The following IFT56 variants were observed in gnomAD, a reference collection of about 807,000 sequenced individuals.
IFT56 encodes intraflagellar transport protein 56.
At chr7:139,146,782 A>AAG in the IFT56 span, among the ~76,000 whole-genome samples, 1 of 151,646 alleles carries the variant, frequency 6.6e-6, no homozygotes, top group African/African-American at 2.4e-5. Context: ...AAAAAAAAAA[A>AAG]AAGAAGAAAG....
chr7:139,170,710 A>G, the IFT56 span, among the ~76,000 whole-genome samples: 7 of 152,336 alleles, frequency 4.6e-5, no homozygotes, highest in Non-Finnish European at 1.0e-4. Context: ...CCTCAAAACA[A>G]TGAAATCCAT....
the IFT56 span, among the ~76,000 whole-genome samples, chr7:139,169,695 A>G: frequency 6.6e-6 from 1 of 152,172 alleles, no homozygotes; most frequent in Non-Finnish European, 1.5e-5. Flanking sequence ...AACTTTGCCT[A>G]TGATATTTTT....
chr7:139,167,284 C>T, the IFT56 span, among the ~76,000 whole-genome samples: 1 of 152,174 alleles, frequency 6.6e-6, no homozygotes, highest in African/African-American at 2.4e-5. Context: ...TAGTCAGGGA[C>T]TGTGTCTATA....
the IFT56 span, among the ~76,000 whole-genome samples, chr7:139,171,179 C>T: frequency 6.6e-6 from 1 of 151,958 alleles, no homozygotes; most frequent in Admixed American, 6.5e-5. Flanking sequence ...AACATTGATG[C>T]AAGAAATTGA....
the IFT56 span, chr7:139,165,348 G>A: frequency 1.4e-6 from 1 of 701,062 alleles, no homozygotes; most frequent in Admixed American, 2.9e-5. Context: ...AAATATATTT[G>A]CAACAAGTTC....
At chr7:139,159,221 T>C in the IFT56 span, among the ~76,000 whole-genome samples, 10 of 152,312 alleles carry the variant, frequency 6.6e-5, no homozygotes, top group African/African-American at 2.4e-4. Flanking sequence ...TTGACAAAAC[T>C]ATCTAGGTTT....
At chr7:139,152,595 A>G in the IFT56 span, among the ~76,000 whole-genome samples, 1 of 152,246 alleles carries the variant, frequency 6.6e-6, no homozygotes, top group Non-Finnish European at 1.5e-5. Flanking sequence ...ATTTGAACAT[A>G]AAGGATATGT....
At chr7:139,188,162 G>A in the IFT56 span, among the ~76,000 whole-genome samples, 11 of 144,952 alleles carry the variant, frequency 7.6e-5, no homozygotes, top group Admixed American at 2.1e-4. Context: ...GTGCAATGGT[G>A]TGATCTCAGC....
chr7:139,160,957 A>G, the IFT56 span: 1 of 1,613,478 alleles, frequency 6.2e-7, no homozygotes, highest in Non-Finnish European at 8.5e-7. Flanking sequence ...GGCAGAACTC[A>G]AAAGCTTGAT....
At chr7:139,157,245 C>G in the IFT56 span, among the ~76,000 whole-genome samples, 1 of 134,320 alleles carries the variant, frequency 7.4e-6, no homozygotes, top group East Asian at 2.3e-4. Context: ...CTCTTGGGTT[C>G]CAGCGATTCT....
At chr7:139,159,419 T>C in the IFT56 span, among the ~76,000 whole-genome samples, 1 of 152,180 alleles carries the variant, frequency 6.6e-6, no homozygotes, top group African/African-American at 2.4e-5. Flanking sequence ...ATATAACTGT[T>C]TTTTTATTTT....
the IFT56 span, among the ~76,000 whole-genome samples, chr7:139,176,108 C>T: frequency 6.6e-6 from 1 of 151,792 alleles, no homozygotes; most frequent in Non-Finnish European, 1.5e-5. Context: ...CATGAGCCAC[C>T]GCACCCGGCT....
chr7:139,174,173 A>G, the IFT56 span: 2 of 593,012 alleles, frequency 3.4e-6, no homozygotes, highest in Non-Finnish European at 6.6e-6. Context: ...TCAGTTGCCC[A>G]CTTATCCCAG....
the IFT56 span, among the ~76,000 whole-genome samples, chr7:139,149,729 C>G: frequency 2.6e-5 from 4 of 152,044 alleles, no homozygotes; most frequent in Non-Finnish European, 5.9e-5. Flanking sequence ...TTTAGTTTCC[C>G]TGACAAGCCT....
chr7:139,189,304 T>C, the IFT56 span: 5 of 1,549,510 alleles, frequency 3.2e-6, no homozygotes, highest in Non-Finnish European at 4.4e-6. Flanking sequence ...CTTTGTCTTT[T>C]CAAATCTTTT....
At chr7:139,171,613 T>A in the IFT56 span, among the ~76,000 whole-genome samples, 2 of 152,194 alleles carry the variant, frequency 1.3e-5, no homozygotes, top group Admixed American at 1.3e-4. Flanking sequence ...CAATAAATTA[T>A]GCTGGGAAAA....
chr7:139,152,149 A>G, the IFT56 span, among the ~76,000 whole-genome samples: 7 of 152,218 alleles, frequency 4.6e-5, no homozygotes, highest in Non-Finnish European at 2.9e-5. Context: ...ATTTATTTAG[A>G]GACAGTGTCT....
chr7:139,157,614 G>A, the IFT56 span, among the ~76,000 whole-genome samples: 7 of 139,962 alleles, frequency 5.0e-5, no homozygotes, highest in African/African-American at 8.1e-5. Flanking sequence ...AGTGATCTTT[G>A]TGCCTCAGCC....
the IFT56 span, among the ~76,000 whole-genome samples, chr7:139,179,819 A>T: frequency 6.6e-6 from 1 of 152,166 alleles, no homozygotes; most frequent in Non-Finnish European, 1.5e-5. Flanking sequence ...TTGCCATGTA[A>T]ATGTGTCATG....
Sources: gnomAD v4.1 joint callset for allele counts (sites outside exome capture counted in the v4.1 genomes callset) on GRCh38, gnomAD v4.1.1 for gene constraint, MANE v1.5 for transcripts, NCBI Gene and HGNC (gene_info 2026-07-23, HGNC 2026-07-21) for gene names.